The following UBN2 variants were observed in gnomAD, a reference collection of about 807,000 sequenced individuals.
UBN2 encodes the protein ubinuclein-2.
A neutral mutation model predicts 120.2 loss-of-function variants in UBN2; 35 were observed. The ratio of observed to expected loss-of-function variants is 0.29; its 90% confidence interval spans 0.22 to 0.39. UBN2 has a LOEUF of 0.39. UBN2 is among the 10% of genes least tolerant of loss of function. The probability of loss-of-function intolerance (pLI) is 1.00; values close to 1 mark genes in which losing one functional copy is unlikely to be tolerated. For synonymous variants in UBN2, 661 were observed against 648.7 expected, an observed-to-expected ratio of 1.02 and a Z score of -0.29; for missense variants, 1,693 against 1,663.2, an observed-to-expected ratio of 1.02 and a Z score of -0.31.
At chr7:139,327,450 G>T in the UBN2 span, among the ~76,000 whole-genome samples, 41 of 152,278 alleles carry the variant, frequency 2.7e-4, no homozygotes, top group South Asian at 8.3e-3. Context: ...AATTCTGGAG[G>T]CTCGGAAGTC....
At chr7:139,294,076 G>A in intron 17 of UBN2, 95 bp downstream of exon 17, 1 of 1,358,646 alleles carries the variant, frequency 7.4e-7, no homozygotes, top group Non-Finnish European at 1.0e-6. Context: ...GAATGACAAA[G>A]GTTGGAAAAT....
chr7:139,255,359 A>G (rs1346722822), intron 3 of UBN2, among the ~76,000 whole-genome samples: 2 of 152,228 alleles, frequency 1.3e-5, no homozygotes, highest in Non-Finnish European at 2.9e-5. Context: ...AGGAACTAGT[A>G]CGTCATTGGT....
chr7:139,288,275 G>C (rs1797847033), intron 15 of UBN2, among the ~76,000 whole-genome samples: 1 of 152,172 alleles, frequency 6.6e-6, no homozygotes, highest in South Asian at 2.1e-4. Flanking sequence ...AAAATTGTAG[G>C]ATAATATGAT....
chr7:139,298,970 C>T lies in UBN2; in HGVS notation c.*1134C>T, dbSNP rs1050589134. Reference sequence around the variant, plus strand: ...AGGAATCACATTAGGATCACAATCACGACATATTTTTACTCCCTGTATCCA... The same window carrying T: ...AGGAATCACATTAGGATCACAATCATGACATATTTTTACTCCCTGTATCCA... On this transcript the variant is annotated 3_prime_UTR_variant, in exon 18 of 18. Transcript: ENST00000473989. The T allele has an allele frequency of 2.6e-5, 4 of 152,216 alleles. No individual in the cohort carries two copies. The highest frequency in any genetic ancestry group is 6.5e-5 in the Admixed American group (1 of 15,280). 9.4% of individuals were successfully genotyped at this position (152,216 alleles called of 1,614,324 possible). A position where few individuals can be genotyped will look rare whatever the true frequency, so the allele number is the denominator to read the frequency against.
chr7:139,240,929 C>T (rs1276650744), intron 2 of UBN2, among the ~76,000 whole-genome samples: 1 of 152,186 alleles, frequency 6.6e-6, no homozygotes, highest in Non-Finnish European at 1.5e-5. Flanking sequence ...TTTGACATTT[C>T]TACAACCGTA....
At chr7:139,289,414 CTTTT>C (rs1161484759) in intron 15 of UBN2, among the ~76,000 whole-genome samples, 1 of 125,810 alleles carries the variant, frequency 7.9e-6, no homozygotes, top group Non-Finnish European at 1.6e-5. Flanking sequence ...TTACATTTTG[CTTTT>C]TTTTTTTTTT....
intron 17 of UBN2, among the ~76,000 whole-genome samples, chr7:139,297,195 A>G (rs1362142766): frequency 1.4e-5 from 2 of 146,584 alleles, no homozygotes; most frequent in East Asian, 2.0e-4. Context: ...CTCCGTCTCA[A>G]AAAAAAAAAA....
At chr7:139,244,720 A>G (rs1796418031) in intron 2 of UBN2, among the ~76,000 whole-genome samples, 2 of 151,974 alleles carry the variant, frequency 1.3e-5, no homozygotes, top group Non-Finnish European at 2.9e-5. Context: ...TTTGTTTTTC[A>G]TAGATGAGAA....
chr7:139,279,174 A>ATACATACAT, intron 12 of UBN2, 144 bp from the exon 13 acceptor site: 1 of 650,572 alleles, frequency 1.5e-6, no homozygotes, highest in East Asian at 2.9e-5. Flanking sequence ...ACTTCGTATA[A>ATACATACAT]ACTGAGCACT....
At chr7:139,293,191 G>T in intron 15 of UBN2, 41 bp from the exon 16 acceptor site, 2 of 1,520,138 alleles carry the variant, frequency 1.3e-6, no homozygotes, top group Non-Finnish European at 1.8e-6. Context: ...AATTTGGGTT[G>T]CTTTATTTCT....
Position 139,283,300 on chromosome 7 carries a change from C to T in UBN2, c.2395C>T (p.Pro799Ser). 6.2e-7 allele frequency: 1 copy of T among 1,613,950 alleles called. No individual in the cohort carries two copies. Among genetic ancestry groups the T allele is most frequent in the African/African-American group, 1.3e-5 (1 of 74,938 alleles). Residue 799 changes from proline to serine, a missense_variant, in exon 15 of 18, where the codon CCA (proline) becomes TCA (serine). Transcript: ENST00000473989. ...RISMPTTKPR[P>S]GLREEKLASI... ...AAGCATGCCAACCACAAAGCCTCGT[C>T]CAGGACTGAGAGAAGAAAAATTAGC...
In UBN2 at chr7:139,287,204, A is replaced by G. The variant is rs553409827; in HGVS notation, c.3669+2630A>G. 1.2e-4 allele frequency among the ~76,000 whole-genome samples: 18 copies of G among 152,270 alleles called. No homozygotes were observed. The South Asian group carries it at 3.7e-3, about 32-fold the overall frequency. ...AATTCTTAATTTGATCAAAGGAATA[A>G]GTGAAAAGATAGCATAAATGGTAGT... On this transcript the variant is annotated intron_variant, in intron 15 of 17. Transcript: ENST00000473989.
At chr7:139,258,693 T>C in intron 4 of UBN2, 68 bp downstream of exon 4, 1 of 1,374,636 alleles carries the variant, frequency 7.3e-7, no homozygotes, top group Non-Finnish European at 9.7e-7. Context: ...TAATGTTACT[T>C]GTGTCACACG....
chr7:139,259,244 A>G, intron 4 of UBN2, 23 bp from the exon 5 acceptor site: 1 of 1,609,056 alleles, frequency 6.2e-7, no homozygotes, highest in South Asian at 1.1e-5. Flanking sequence ...TACATAAATG[A>G]TCATTCTTTT....
At position 139,284,278 on chromosome 7, in the gene UBN2, A is replaced by G. The variant is rs1441752555; in HGVS notation, c.3373A>G (p.Thr1125Ala). 3.7e-6 allele frequency: 6 copies of G among 1,614,068 alleles called. No homozygotes were observed. Among genetic ancestry groups the G allele is most frequent in the Non-Finnish European group, 5.1e-6 (6 of 1,180,018 alleles). ...SGMNISRQSP[T>A]LNLLPSSRTS... ...AATGAACATCAGCAGACAGTCTCCC[A>G]CCTTGAATTTATTGCCCTCTAGTCG... The change falls in exon 15 of 18, where the codon ACC becomes GCC. Residue 1125 changes from threonine (T) to alanine (A), a missense_variant. Thr to Ala is a moderately conservative substitution (Grantham distance 58). This residue lies in a region of UBN2 where 837 missense variants were observed against 817.6 expected (regional missense o/e 1.02). Coordinates refer to ENST00000473989, the MANE Select transcript of UBN2 (RefSeq NM_173569.4).
At position 139,303,096 on chromosome 7, in the gene UBN2, C is replaced by G. The variant is rs187601783; in HGVS notation, c.*5260C>G. ...TTGAAGAAATCATATAGCTGCATAT[C>G]TATCTGTTAAAAGGTTAATAAACTC... On this transcript the variant is annotated 3_prime_UTR_variant, in exon 18 of 18. Transcript: ENST00000473989. 4 of 152,284 alleles carry G rather than the reference C, an allele frequency of 2.6e-5. No homozygotes were observed. The highest frequency in any genetic ancestry group is 7.2e-5 in the African/African-American group (3 of 41,554). 9.4% of individuals were successfully genotyped at this position (152,284 alleles called of 1,614,324 possible). A position where few individuals can be genotyped will look rare whatever the true frequency, so the allele number is the denominator to read the frequency against.
intron 15 of UBN2, among the ~76,000 whole-genome samples, chr7:139,287,757 A>C (rs748515071): frequency 4.6e-5 from 7 of 150,686 alleles, no homozygotes; most frequent in Non-Finnish European, 8.9e-5. Context: ...GGCGAAAGTA[A>C]GGTTCTTTTT....
At chr7:139,248,022 G>T (rs1354361352) in intron 2 of UBN2, among the ~76,000 whole-genome samples, 1 of 151,990 alleles carries the variant, frequency 6.6e-6, no homozygotes, top group Non-Finnish European at 1.5e-5. Context: ...ATCCATGAAG[G>T]CTGGCACATG....
Position 139,231,414 on chromosome 7 carries a change from C to G in UBN2, c.-71C>G. ...AAGCGACAGAGAGCAAGAGGAAGGG[C>G]GGGCAGGCACGCAGCGCGCCGTAGA... is the stretch of plus-strand genomic sequence containing the variant. On this transcript the variant is annotated 5_prime_UTR_variant, in exon 1 of 18. Transcript: ENST00000473989. 1 of 1,184,672 alleles carries G rather than the reference C, an allele frequency of 8.4e-7. No homozygotes were observed. The highest frequency in any genetic ancestry group is 1.1e-6 in the Non-Finnish European group (1 of 930,096). The allele number at this position is 1,184,672 out of a possible 1,614,324, so 73.4% of individuals were successfully genotyped here.
Sources: gnomAD v4.1 joint callset for allele counts (sites outside exome capture counted in the v4.1 genomes callset) on GRCh38, gnomAD v4.1.1 for gene constraint, gnomAD v4.1.1 regional missense constraint, MANE v1.5 for transcripts, NCBI Gene and HGNC (gene_info 2026-07-23, HGNC 2026-07-21) for gene names.